PTPRD: variants seen among roughly 807,000 people sequenced by gnomAD.
PTPRD encodes receptor-type tyrosine-protein phosphatase delta.
In PTPRD, 34 loss-of-function variants were observed where a neutral mutation model predicts 214.5. The observed-to-expected ratio is 0.16, with a 90% CI of 0.12 to 0.21. The LOEUF is 0.21. Among genes scored for constraint, PTPRD ranks in the 10% least tolerant of loss-of-function variants. The probability of loss-of-function intolerance (pLI) is 1.00; values close to 1 mark genes in which losing one functional copy is unlikely to be tolerated. For synonymous variants in PTPRD, 1,128 were observed against 845.7 expected, an observed-to-expected ratio of 1.33 and a Z score of -5.79; for missense variants, 2,545 against 2,398.7, an observed-to-expected ratio of 1.06 and a Z score of -1.27.
At chr9:8,552,611 G>C (rs564751586) in intron 14 of PTPRD, among the ~76,000 whole-genome samples, 1 of 152,148 alleles carries the variant, frequency 6.6e-6, no homozygotes, top group Non-Finnish European at 1.5e-5. Flanking sequence ...CCAGCGACCA[G>C]ATCAGGTAGG....
chr9:8,719,862 G>GA lies in PTPRD; in HGVS notation c.64+13917dup, dbSNP rs374144247. ...TCATTTACTCTAAAAAAAAGAAAAA[G>GA]AAAAAAAAAAAACCTTGCATTTAAA... On this transcript the variant is annotated intron_variant, in intron 12 of 45. Transcript: ENST00000381196. 8.1e-3 allele frequency among the ~76,000 whole-genome samples: 1,113 copies of GA among 138,192 alleles called. 3 individuals carry two copies. Among genetic ancestry groups the GA allele is most frequent in the African/African-American group, 0.015 (568 of 38,346 alleles). 90.7% of individuals were successfully genotyped at this position (138,192 alleles called of 152,430 possible). A position where few individuals can be genotyped will look rare whatever the true frequency, so the allele number is the denominator to read the frequency against.
chr9:10,546,197 T>C (rs1292506296), intron 2 of PTPRD, among the ~76,000 whole-genome samples: 1 of 147,804 alleles, frequency 6.8e-6, no homozygotes, highest in Non-Finnish European at 1.5e-5. Flanking sequence ...TACATGTGCA[T>C]GTATTTATTT....
At chr9:10,140,995 A>C (rs1241718696) in intron 3 of PTPRD, among the ~76,000 whole-genome samples, 1 of 152,084 alleles carries the variant, frequency 6.6e-6, no homozygotes, top group East Asian at 1.9e-4. Flanking sequence ...CCAAAGACAA[A>C]AACCACATGA....
chr9:10,179,748 G>C (rs752056892), intron 3 of PTPRD, among the ~76,000 whole-genome samples: 2 of 152,028 alleles, frequency 1.3e-5, no homozygotes, highest in Non-Finnish European at 2.9e-5. Context: ...TACTGAAGCG[G>C]AGACTAACTT....
intron 4 of PTPRD, among the ~76,000 whole-genome samples, chr9:9,985,767 G>C (rs1312991416): frequency 6.6e-6 from 1 of 151,610 alleles, no homozygotes; most frequent in East Asian, 1.9e-4. Flanking sequence ...ACAGTTTTTT[G>C]ATTATGAAAA....
intron 7 of PTPRD, among the ~76,000 whole-genome samples, chr9:9,609,576 C>T (rs951331232): frequency 6.6e-6 from 1 of 152,148 alleles, no homozygotes; most frequent in Non-Finnish European, 1.5e-5. Context: ...AATTCTCGTG[C>T]CTCAGCCTCC....
intron 10 of PTPRD, among the ~76,000 whole-genome samples, chr9:9,031,708 T>C (rs1320424092): frequency 1.3e-5 from 2 of 151,918 alleles, no homozygotes; most frequent in Non-Finnish European, 2.9e-5. Flanking sequence ...GAAGACAAAA[T>C]TCATGCACAA....
At chr9:9,557,789 G>C (rs1393952514) in intron 8 of PTPRD, among the ~76,000 whole-genome samples, 2 of 152,232 alleles carry the variant, frequency 1.3e-5, no homozygotes, top group Middle Eastern at 3.4e-3. Flanking sequence ...CATGTGTCAG[G>C]TCCTGGAGTC....
intron 3 of PTPRD, among the ~76,000 whole-genome samples, chr9:10,262,577 A>G (rs539998047): frequency 6.6e-6 from 1 of 152,366 alleles, no homozygotes; most frequent in African/African-American, 2.4e-5. Context: ...GCTCAAGTGT[A>G]TTGACAAATA....
chr9:8,449,992 T>TC, intron 33 of PTPRD, 155 bp from the exon 34 acceptor site: 2 of 679,806 alleles, frequency 2.9e-6, no homozygotes, highest in Non-Finnish European at 2.4e-6. Context: ...GGGTTGCTTT[T>TC]CCCCCCTGGC....
At position 10,282,277 on chromosome 9, in the gene PTPRD, T is replaced by A. The variant is rs554853011; in HGVS notation, c.-545+58686A>T. On this transcript the variant is annotated intron_variant, in intron 3 of 45. Transcript: ENST00000381196. ...GTAACTTAATTGACATAGCACAGTGTCTGACTCATAACGGATATGGAAATG... is the reference window on the plus strand; with the variant it reads ...GTAACTTAATTGACATAGCACAGTGACTGACTCATAACGGATATGGAAATG... Among the ~76,000 whole-genome samples the A allele has an allele frequency of 2.2e-4, 34 of 152,302 alleles. No individual in the cohort carries two copies. The South Asian group carries it at 6.8e-3, about 31-fold the overall frequency.
intron 11 of PTPRD, among the ~76,000 whole-genome samples, chr9:8,988,864 A>C (rs776458362): frequency 1.3e-4 from 20 of 152,270 alleles, no homozygotes; most frequent in Non-Finnish European, 2.1e-4. Context: ...GTTCCAGAGA[A>C]GTAATGTCAG....
intron 3 of PTPRD, among the ~76,000 whole-genome samples, chr9:10,305,708 A>T (rs566477124): frequency 6.6e-6 from 1 of 152,190 alleles, no homozygotes; most frequent in Non-Finnish European, 1.5e-5. Context: ...AATACAAATC[A>T]AAACTACAAT....
At chr9:9,828,690 T>A (rs1033423708) in intron 5 of PTPRD, among the ~76,000 whole-genome samples, 3 of 151,492 alleles carry the variant, frequency 2.0e-5, no homozygotes, top group Non-Finnish European at 4.4e-5. Flanking sequence ...CTAATGAAAA[T>A]CTAAAGGTAA....
rs542345700 is a variant in PTPRD at position 9,938,083 on chromosome 9, G to A, written c.-368+424C>T. Among the ~76,000 whole-genome samples, 4 of 152,228 alleles carry A rather than the reference G, an allele frequency of 2.6e-5. No homozygotes were observed. The South Asian group carries it at 6.2e-4, about 24-fold the overall frequency. Reference sequence around the variant, plus strand: ...TGGAAATGACAAAACCTGAGGTCCTGAAGGGTTACTCGGCCCTCAGGTGAT... The same window carrying A: ...TGGAAATGACAAAACCTGAGGTCCTAAAGGGTTACTCGGCCCTCAGGTGAT... On this transcript the variant is annotated intron_variant, in intron 5 of 45. Coordinates refer to ENST00000381196, the MANE Select transcript of PTPRD (RefSeq NM_002839.4).
At chr9:8,453,459 T>C (rs547251821) in intron 33 of PTPRD, among the ~76,000 whole-genome samples, 25 of 152,356 alleles carry the variant, frequency 1.6e-4, no homozygotes, top group African/African-American at 5.3e-4. Context: ...CCACCATGCC[T>C]GGCCGATGAA....
rs1555151920 is a variant in PTPRD at position 9,814,816 on chromosome 9, T to TTC, written c.-367-47966_-367-47965insGA. ...GTGACTTTTTTTTTTTTTTTTTTTT[T>TTC]CGATACAGAATTTCACTCTGTCACA... On this transcript the variant is annotated intron_variant, in intron 5 of 45. Transcript: ENST00000381196. Among the ~76,000 whole-genome samples, 141 of 122,834 alleles carry TTC rather than the reference T, an allele frequency of 1.1e-3. 1 individual carries two copies. The highest frequency in any genetic ancestry group is 8.9e-3 in the East Asian group (40 of 4,470). The allele number at this position is 122,834 out of a possible 152,430, so 80.6% of individuals were successfully genotyped here.
At chr9:9,225,021 C>A (rs139254602) in intron 9 of PTPRD, among the ~76,000 whole-genome samples, 3 of 151,932 alleles carry the variant, frequency 2.0e-5, no homozygotes, top group African/African-American at 7.2e-5. Context: ...CATTTATACA[C>A]GTATACTGGC....
Position 8,484,004 on chromosome 9 carries a change from G to A in PTPRD, c.3413+115C>T. 10 of 1,347,962 alleles carry A rather than the reference G, an allele frequency of 7.4e-6. No homozygotes were observed. In the South Asian group the frequency reaches 1.2e-4, roughly 16 times the overall value. 83.5% of individuals were successfully genotyped at this position (1,347,962 alleles called of 1,614,324 possible). The stretch of plus-strand genomic sequence containing the variant: ...AGCAAAACTGGGAGTCTGAGCAGAA[G>A]AATCTTTCACTACATTAAGCAGTAT... On this transcript the variant is annotated intron_variant, in intron 30 of 45. Transcript: ENST00000381196.
Sources: allele counts gnomAD v4.1 joint callset (sites outside exome capture counted in the v4.1 genomes callset), GRCh38; gene constraint gnomAD v4.1.1; transcripts MANE v1.5; gene names NCBI Gene and HGNC (gene_info 2026-07-23, HGNC 2026-07-21).